The following CSMD3 variants were observed in gnomAD, a reference collection of about 807,000 sequenced individuals.
CSMD3 encodes the protein CUB and sushi domain-containing protein 3.
A neutral mutation model predicts 435.2 loss-of-function variants in CSMD3; 177 were observed. The observed-to-expected ratio is 0.41, with a 90% confidence interval of 0.36 to 0.46. The LOEUF (loss-of-function observed/expected upper bound fraction) is 0.46, where lower values mean the gene tolerates loss of function less well. CSMD3 is among the 20% of genes least tolerant of loss of function. The pLI, the probability that CSMD3 is intolerant of heterozygous loss-of-function variation, is 0.34. For missense variants in CSMD3, 4,265 were observed against 4,504.6 expected (o/e 0.95, Z 1.52); for synonymous variants, 1,656 against 1,520.5 (o/e 1.09, Z -2.07).
In CSMD3 at chr8:112,560,992, C is replaced by A. The variant is rs140145857; in HGVS notation, c.4043-4038G>T. Among the ~76,000 whole-genome samples the A allele has an allele frequency of 3.6e-3, 543 of 151,694 alleles. 2 individuals carry two copies. Among genetic ancestry groups the A allele is most frequent in the African/African-American group, 0.013 (520 of 41,488 alleles). ...TGAATTTTCTGTAAATGTGGTTGGG[C>A]ATTGCTGGTGATGAGGTAAAATGGA... On this transcript the variant is annotated intron_variant, in intron 24 of 70. Transcript: ENST00000297405.
intron 27 of CSMD3, among the ~76,000 whole-genome samples, chr8:112,535,636 A>G (rs1385847991): frequency 1.3e-5 from 2 of 152,052 alleles, no homozygotes; most frequent in African/African-American, 2.4e-5. Flanking sequence ...CCATCAAGCT[A>G]CCAATGACTT....
At chr8:113,057,881 C>T (rs1436404193) in intron 5 of CSMD3, among the ~76,000 whole-genome samples, 1 of 151,628 alleles carries the variant, frequency 6.6e-6, no homozygotes, top group Non-Finnish European at 1.5e-5. Context: ...TTGTGCTCAC[C>T]TTGGTAGATA....
At chr8:112,919,564 C>T (rs1024924994) in intron 10 of CSMD3, among the ~76,000 whole-genome samples, 2 of 151,668 alleles carry the variant, frequency 1.3e-5, no homozygotes, top group Admixed American at 6.6e-5. Context: ...ATCTCCTTTT[C>T]TCTGTCATCT....
intron 13 of CSMD3, among the ~76,000 whole-genome samples, chr8:112,775,304 T>A (rs1372214110): frequency 6.6e-6 from 1 of 151,842 alleles, no homozygotes; most frequent in Non-Finnish European, 1.5e-5. Flanking sequence ...GAAACTGCCT[T>A]AAAAGAAGAA....
In CSMD3 at chr8:112,859,154, A is replaced by G. The variant is rs2080752878; in HGVS notation, c.1746T>C (p.Asn582=). Residue 582 remains asparagine, a synonymous_variant, in exon 11 of 71, where the codon AAT becomes AAC. Coordinates refer to ENST00000297405, the MANE Select transcript of CSMD3 (RefSeq NM_198123.2). ...AQCVWVITAV[N]TNKVIQINFE... ...GATGGTGTTCTCTTACCTTATTTGT[A>G]TTCACTGCTGTGATGACCCAGACAC... is the stretch of plus-strand genomic sequence containing the variant. 1.9e-6 allele frequency: 3 copies of G among 1,610,646 alleles called. No homozygotes were observed. The highest frequency in any genetic ancestry group is 2.5e-6 in the Non-Finnish European group (3 of 1,177,518).
At chr8:112,585,368 T>A (rs1422663477) in intron 23 of CSMD3, among the ~76,000 whole-genome samples, 2 of 151,386 alleles carry the variant, frequency 1.3e-5, no homozygotes, top group African/African-American at 2.4e-5. Context: ...ATAAGAGAAA[T>A]CTGTATTTGA....
rs79756932 is a variant in CSMD3 at position 112,949,230 on chromosome 8, G to A, written c.1421-1353C>T. Among the ~76,000 whole-genome samples, 320 of 152,022 alleles carry A rather than the reference G, an allele frequency of 2.1e-3. 1 individual carries two copies. Among genetic ancestry groups the A allele is most frequent in the Middle Eastern group, 6.8e-3 (2 of 294 alleles). ...CAGTTATAGTTGTGGTAAAGTTGTC[G>A]TTTTCTAAATTAAACATCGGATTTT... On this transcript the variant is annotated intron_variant, in intron 8 of 70. Coordinates refer to ENST00000297405, the MANE Select transcript of CSMD3 (RefSeq NM_198123.2).
At chr8:113,078,446 G>A (rs779510050) in intron 5 of CSMD3, among the ~76,000 whole-genome samples, 2 of 152,068 alleles carry the variant, frequency 1.3e-5, no homozygotes, top group African/African-American at 2.4e-5. Flanking sequence ...CATGAAACAC[G>A]TTCTATGCTC....
At chr8:112,731,922 A>G (rs564150703) in intron 13 of CSMD3, among the ~76,000 whole-genome samples, 3 of 152,252 alleles carry the variant, frequency 2.0e-5, no homozygotes, top group South Asian at 4.1e-4. Flanking sequence ...AAAGTGATTA[A>G]TAGGATTTTC....
intron 41 of CSMD3, 73 bp downstream of exon 41, chr8:112,346,024 C>A (rs771696504): frequency 2.3e-6 from 2 of 878,176 alleles, no homozygotes; most frequent in Non-Finnish European, 3.9e-6. Flanking sequence ...AATTCTTATT[C>A]GACATTGAAA....
intron 11 of CSMD3, among the ~76,000 whole-genome samples, chr8:112,850,961 G>A (rs939558406): frequency 6.6e-6 from 1 of 152,114 alleles, no homozygotes; most frequent in South Asian, 2.1e-4. Context: ...AAAAGATTAT[G>A]AAATAATGAG....
At chr8:112,857,880 A>G (rs6469441) in intron 11 of CSMD3, among the ~76,000 whole-genome samples, 76,111 of 151,316 alleles carry the variant, frequency 0.5, 19,684 homozygotes, top group East Asian at 0.79. Context: ...AGAGAAATAA[A>G]CCAATAAATA....
intron 58 of CSMD3, among the ~76,000 whole-genome samples, chr8:112,286,527 A>G (rs911101570): frequency 1.3e-5 from 2 of 152,174 alleles, no homozygotes; most frequent in Non-Finnish European, 2.9e-5. Flanking sequence ...GGGTGAGTAC[A>G]GTCAACAAGA....
At chr8:112,653,961 C>T (rs541113898) in intron 18 of CSMD3, among the ~76,000 whole-genome samples, 1 of 152,032 alleles carries the variant, frequency 6.6e-6, no homozygotes, top group East Asian at 1.9e-4. Flanking sequence ...CCCAGCCAAC[C>T]TTATCTTATT....
intron 10 of CSMD3, among the ~76,000 whole-genome samples, chr8:112,914,558 G>T (rs1004030351): frequency 1.3e-5 from 2 of 151,388 alleles, no homozygotes; most frequent in Non-Finnish European, 2.9e-5. Context: ...CTGCCAAAAT[G>T]TCATAAATTC....
chr8:112,238,674 TAG>T (rs1280201388), intron 66 of CSMD3, among the ~76,000 whole-genome samples: 5 of 139,798 alleles, frequency 3.6e-5, no homozygotes, highest in African/African-American at 1.2e-4. Context: ...TACTAAAATT[TAG>T]AGTTTGTTAA....
intron 35 of CSMD3, among the ~76,000 whole-genome samples, chr8:112,405,936 C>G (rs1458976663): frequency 6.6e-6 from 1 of 151,994 alleles, no homozygotes; most frequent in East Asian, 1.9e-4. Context: ...TGGACAAAAA[C>G]ACAGAGTGTA....
chr8:112,714,662 C>A (rs2076684241), intron 13 of CSMD3, among the ~76,000 whole-genome samples: 1 of 152,114 alleles, frequency 6.6e-6, no homozygotes, highest in Admixed American at 6.6e-5. Flanking sequence ...TAAAATCAAC[C>A]ACATAATTAG....
intron 6 of CSMD3, among the ~76,000 whole-genome samples, chr8:113,004,661 A>C (rs1364304457): frequency 6.6e-6 from 1 of 151,940 alleles, no homozygotes; most frequent in East Asian, 1.9e-4. Context: ...TGGAATCAAT[A>C]GTCTAACACA....
Sources: gnomAD v4.1 joint callset for allele counts (sites outside exome capture counted in the v4.1 genomes callset) on GRCh38, gnomAD v4.1.1 for gene constraint, MANE v1.5 for transcripts, NCBI Gene and HGNC (gene_info 2026-07-23, HGNC 2026-07-21) for gene names.